DNAJB6: variants seen among roughly 807,000 people sequenced by gnomAD.
DNAJB6 encodes DnaJ heat shock protein family (Hsp40) member B6, also known as dnaJ homolog subfamily B member 6.
Under a neutral mutation model 42.7 loss-of-function variants are expected in DNAJB6, and 16 were observed. The observed-to-expected ratio is 0.37, with a 90% CI of 0.25 to 0.57. The LOEUF is 0.57. DNAJB6 is among the 20% of genes least tolerant of loss of function. DNAJB6 has a pLI of 0.74. For synonymous variants in DNAJB6, 170 were observed against 163.5 expected, an observed-to-expected ratio of 1.04 and a Z score of -0.30; for missense variants, 347 against 416.8, an observed-to-expected ratio of 0.83 and a Z score of 1.46.
chr7:157,386,014 C>T (rs1484046117), intron 8 of DNAJB6: 1 of 994,718 alleles, frequency 1.0e-6, no homozygotes, highest in Non-Finnish European at 1.2e-6. Flanking sequence ...TGTCGGCCTG[C>T]TGTGAAGTTA....
rs1213991723 is a variant in DNAJB6 at position 157,358,424 on chromosome 7, C to T, written c.-26-123C>T. ...CTAGTGGTTAGCTCTAGTGGAAGTT[C>T]CCTCTGTAGGCCAGTAGGTGCTAAG... On this transcript the variant is annotated intron_variant, in intron 1 of 9. Transcript: ENST00000262177. 4 of 628,094 alleles carry T rather than the reference C, an allele frequency of 6.4e-6. No individual in the cohort carries two copies. The East Asian group carries it at 1.1e-4, about 18-fold the overall frequency. The allele number at this position is 628,094 out of a possible 1,614,324, so 38.9% of individuals were successfully genotyped here. A position where few individuals can be genotyped will look rare whatever the true frequency, so the allele number is the denominator to read the frequency against.
intron 1 of DNAJB6, among the ~76,000 whole-genome samples, chr7:157,351,357 G>A (rs1256472623): frequency 6.6e-6 from 1 of 152,056 alleles, no homozygotes; most frequent in East Asian, 1.9e-4. Flanking sequence ...GGCCGGGCAC[G>A]GTGGCTCATG....
In DNAJB6 at chr7:157,350,593, G is replaced by C. The variant is rs1041021251; in HGVS notation, c.-26-7954G>C. On this transcript the variant is annotated intron_variant, in intron 1 of 9. Coordinates refer to ENST00000262177, the MANE Select transcript of DNAJB6 (RefSeq NM_058246.4). The stretch of plus-strand genomic sequence containing the variant: ...TGAAGTGTGGATGCCTTATGAGTCA[G>C]AGCTTGAACTTGGTGATATAAAGGT... 3.3e-5 allele frequency among the ~76,000 whole-genome samples: 5 copies of C among 152,212 alleles called. No homozygotes were observed. The East Asian group carries it at 9.6e-4, about 29-fold the overall frequency.
intron 8 of DNAJB6, among the ~76,000 whole-genome samples, chr7:157,387,637 G>C (rs1461389026): frequency 6.6e-6 from 1 of 152,192 alleles, no homozygotes; most frequent in Non-Finnish European, 1.5e-5. Flanking sequence ...TTTTGCTATA[G>C]CGTTGGTACT....
chr7:157,376,044 G>A (rs1312104187), intron 5 of DNAJB6, among the ~76,000 whole-genome samples: 1 of 152,166 alleles, frequency 6.6e-6, no homozygotes, highest in East Asian at 1.9e-4. Context: ...GCTGAGGAAG[G>A]GCGAGCTTAG....
chr7:157,342,601 C>T (rs554388701), intron 1 of DNAJB6, among the ~76,000 whole-genome samples: 3 of 152,224 alleles, frequency 2.0e-5, no homozygotes, highest in South Asian at 2.1e-4. Flanking sequence ...GGATTACAGG[C>T]GTGAGCCAGC....
At chr7:157,355,184 C>G (rs749991116) in intron 1 of DNAJB6, among the ~76,000 whole-genome samples, 5 of 152,336 alleles carry the variant, frequency 3.3e-5, no homozygotes, top group Non-Finnish European at 5.9e-5. Context: ...GAGATGGAGT[C>G]TCACTGTCGT....
At chr7:157,360,054 T>A (rs532176494) in intron 2 of DNAJB6, among the ~76,000 whole-genome samples, 20 of 152,244 alleles carry the variant, frequency 1.3e-4, no homozygotes, top group African/African-American at 7.2e-5. Flanking sequence ...ACGAAGACAG[T>A]TGGGAATACC....
At chr7:157,398,255 A>G (rs1056703708) in intron 8 of DNAJB6, among the ~76,000 whole-genome samples, 8 of 152,182 alleles carry the variant, frequency 5.3e-5, no homozygotes, top group Admixed American at 1.3e-4. Context: ...CACACATTAA[A>G]TGTTTGAATG....
At chr7:157,373,060 G>T (rs985700921) in intron 5 of DNAJB6, among the ~76,000 whole-genome samples, 1 of 151,982 alleles carries the variant, frequency 6.6e-6, no homozygotes, top group Non-Finnish European at 1.5e-5. Flanking sequence ...GAGCCACTGT[G>T]CCCAGCCACA....
chr7:157,396,326 G>T (rs1265164228), intron 8 of DNAJB6, among the ~76,000 whole-genome samples: 1 of 152,222 alleles, frequency 6.6e-6, no homozygotes, highest in African/African-American at 2.4e-5. Context: ...ACCAGGGAGC[G>T]GGGCAGTCTC....
In DNAJB6 at chr7:157,416,104, A is replaced by G; in HGVS notation, c.*6A>G. 1 of 1,612,874 alleles carries G rather than the reference A, an allele frequency of 6.2e-7. No individual in the cohort carries two copies. Among genetic ancestry groups the G allele is most frequent in the Non-Finnish European group, 8.5e-7 (1 of 1,179,324 alleles). On this transcript the variant is annotated 3_prime_UTR_variant, in exon 10 of 10. Transcript: ENST00000262177. ...CGACCAAAGGCAATCACTAGACCGG[A>G]CTTGAGGCACGCGGTGCACCCCCAG...
intron 2 of DNAJB6, 49 bp from the exon 3 acceptor site, chr7:157,363,112 G>A (rs1342406586): frequency 7.5e-7 from 1 of 1,342,254 alleles, no homozygotes; most frequent in South Asian, 1.3e-5. Context: ...CAAAAGCATA[G>A]TTGATTTCTG....
At chr7:157,349,184 G>T (rs1277659255) in intron 1 of DNAJB6, among the ~76,000 whole-genome samples, 1 of 152,112 alleles carries the variant, frequency 6.6e-6, no homozygotes, top group Non-Finnish European at 1.5e-5. Context: ...CAACGGCCAT[G>T]TGCATATTTG....
At position 157,337,053 on chromosome 7, in the gene DNAJB6, C is replaced by T. The variant is rs992148787; in HGVS notation, c.-118C>T. 7.2e-5 allele frequency: 11 copies of T among 152,362 alleles called. No individual in the cohort carries two copies. Among genetic ancestry groups the T allele is most frequent in the African/African-American group, 2.7e-4 (11 of 41,432 alleles). 9.4% of individuals were successfully genotyped at this position (152,362 alleles called of 1,614,324 possible). On this transcript the variant is annotated 5_prime_UTR_variant, in exon 1 of 10. Coordinates refer to ENST00000262177, the MANE Select transcript of DNAJB6 (RefSeq NM_058246.4). ...GAAAGGAAAGCGCGAGGAGCCGCCG[C>T]CACCACCAGCGCAGCAGTCCTGGAG... is the stretch of plus-strand genomic sequence containing the variant.
intron 5 of DNAJB6, chr7:157,379,242 A>T (rs1800627432): frequency 6.6e-6 from 1 of 152,248 alleles, no homozygotes; most frequent in Admixed American, 6.5e-5. Context: ...TAGTACTGTT[A>T]CCACTGAGAC....
At chr7:157,382,074 G>T in intron 5 of DNAJB6, 172 bp from the exon 6 acceptor site, 1 of 550,612 alleles carries the variant, frequency 1.8e-6, no homozygotes, top group Non-Finnish European at 3.0e-6. Flanking sequence ...TAGTAAAACT[G>T]TTGGTGAGGT....
chr7:157,363,637 C>T (rs1799714619), intron 3 of DNAJB6, among the ~76,000 whole-genome samples: 1 of 152,176 alleles, frequency 6.6e-6, no homozygotes, highest in African/African-American at 2.4e-5. Context: ...CTCACCCCCA[C>T]TGGCTTAAAC....
chr7:157,370,275 ATTAACGTTATTATTAAATGGGCCCCTTC>A (rs1563129260), intron 5 of DNAJB6, among the ~76,000 whole-genome samples: 2 of 136,140 alleles, frequency 1.5e-5, no homozygotes, highest in African/African-American at 5.7e-5. Flanking sequence ...CCGGCCTTTC[ATTAACGTTATTATTAAATGGGCCCCTTC>A]TTAACATTAT....
Sources: allele counts gnomAD v4.1 joint callset (sites outside exome capture counted in the v4.1 genomes callset), GRCh38; gene constraint gnomAD v4.1.1; transcripts MANE v1.5; gene names NCBI Gene and HGNC (gene_info 2026-07-23, HGNC 2026-07-21).